Variants in BSN observed in about 807,000 individuals in gnomAD.
The protein encoded by BSN is protein bassoon.
BSN carries 57 observed loss-of-function variants against 264.8 expected under a neutral mutation model. The observed-to-expected ratio is 0.22, with a 90% confidence interval of 0.17 to 0.27. The LOEUF (loss-of-function observed/expected upper bound fraction) is 0.27. Among genes scored for constraint, BSN ranks in the 10% least tolerant of loss-of-function variants. BSN has a pLI of 1.00. For synonymous variants in BSN, 2,059 were observed against 2,137.3 expected (o/e 0.96, Z 1.01); for missense variants, 4,615 against 5,232.5 (o/e 0.88, Z 3.64).
At chr3:49,650,469 C>A (rs1056286846) in intron 3 of BSN, 143 bp from the exon 4 acceptor site, 2 of 763,002 alleles carry the variant, frequency 2.6e-6, no homozygotes, top group African/African-American at 1.8e-5. Context: ...GTAAATTGGT[C>A]AGTCTTTTTC....
At chr3:49,615,715 CA>C (rs1214532574) in intron 1 of BSN, among the ~76,000 whole-genome samples, 1 of 152,200 alleles carries the variant, frequency 6.6e-6, no homozygotes, top group African/African-American at 2.4e-5. Flanking sequence ...GTCAGCACTG[CA>C]AATTCTTTTT....
At chr3:49,555,800 A>G (rs2051664048) in intron 1 of BSN, among the ~76,000 whole-genome samples, 1 of 152,196 alleles carries the variant, frequency 6.6e-6, no homozygotes, top group Non-Finnish European at 1.5e-5. Context: ...GGTGGGAGGG[A>G]GGTGCTTCCA....
chr3:49,588,640 C>T (rs1324214753), intron 1 of BSN, among the ~76,000 whole-genome samples: 1 of 152,118 alleles, frequency 6.6e-6, no homozygotes, highest in Non-Finnish European at 1.5e-5. Flanking sequence ...ATTTTAATTC[C>T]TCTCAAAGTA....
intron 3 of BSN, 106 bp from the exon 4 acceptor site, chr3:49,650,506 G>T: frequency 8.9e-7 from 1 of 1,119,900 alleles, no homozygotes; most frequent in Non-Finnish European, 1.3e-6. Flanking sequence ...GTTATGCTTT[G>T]AAAGTTCTCT....
intron 1 of BSN, among the ~76,000 whole-genome samples, chr3:49,584,886 G>A (rs975231241): frequency 6.6e-6 from 1 of 152,092 alleles, no homozygotes; most frequent in African/African-American, 2.4e-5. Flanking sequence ...GAGAACATGC[G>A]ATGTTTGTCT....
chr3:49,656,434 C>G lies in BSN; in HGVS notation c.6878C>G (p.Ala2293Gly), dbSNP rs2052601864. The G allele has an allele frequency of 6.3e-7, 1 of 1,592,188 alleles. No individual in the cohort carries two copies. Among genetic ancestry groups the G allele is most frequent in the Non-Finnish European group, 8.6e-7 (1 of 1,167,998 alleles). The change falls in exon 5 of 12, where the codon GCT becomes GGT. Residue 2293 changes from alanine (A) to glycine (G), a missense_variant. Ala to Gly is a moderately conservative substitution (Grantham distance 60). Around this residue, in one of 3 missense-constraint regions of BSN, gnomAD observed 3,415 missense variants for 3,866.4 expected, o/e 0.88. Coordinates refer to ENST00000296452, the MANE Select transcript of BSN (RefSeq NM_003458.4). ...CCTGCTGCTGCCAAGGCCCCTGGGGCTGGGGGCCCTTCAAGGCCAGAGATG... is the reference window on the plus strand; with the variant it reads ...CCTGCTGCTGCCAAGGCCCCTGGGGGTGGGGGCCCTTCAAGGCCAGAGATG... ...GKPAAAKAPG[A>G]GGPSRPEMPV...
chr3:49,664,299 C>T, intron 8 of BSN, 124 bp from the exon 9 acceptor site: 2 of 1,270,460 alleles, frequency 1.6e-6, no homozygotes, highest in South Asian at 1.3e-5. Context: ...ATTTCCCTAG[C>T]CTCCTTCTCA....
chr3:49,621,996 T>G (rs1483354210), intron 1 of BSN, among the ~76,000 whole-genome samples: 1 of 152,110 alleles, frequency 6.6e-6, no homozygotes, highest in Non-Finnish European at 1.5e-5. Flanking sequence ...ACTTTTTTGT[T>G]GTTTAGGATG....
intron 1 of BSN, among the ~76,000 whole-genome samples, chr3:49,595,758 T>G (rs2052018214): frequency 6.6e-6 from 1 of 152,230 alleles, no homozygotes; most frequent in African/African-American, 2.4e-5. Flanking sequence ...ATTGTTTGTA[T>G]GTAGATGTGT....
intron 1 of BSN, among the ~76,000 whole-genome samples, chr3:49,616,451 T>C (rs1311855874): frequency 6.6e-6 from 1 of 152,230 alleles, no homozygotes. Context: ...AAAACCTCTT[T>C]TGAAGCTGTG....
Position 49,656,744 on chromosome 3 carries a change from G to A in BSN, c.7188G>A (p.Arg2396=), listed in dbSNP as rs770717833. The change falls in exon 5 of 12, where the codon CGG becomes CGA. Residue 2396 remains arginine (R), a synonymous_variant. Coordinates refer to ENST00000296452, the MANE Select transcript of BSN (RefSeq NM_003458.4). ...RQLRLQEELE[R]ERVELQRHRE... ...TTCGGCTGCAAGAGGAGCTAGAGCG[G>A]GAACGTGTGGAGCTGCAGAGGCACC... 7 of 1,576,936 alleles carry A rather than the reference G, an allele frequency of 4.4e-6. No individual in the cohort carries two copies. Among genetic ancestry groups the A allele is most frequent in the African/African-American group, 1.3e-5 (1 of 74,554 alleles).
rs373935874 is a variant in BSN, at chr3:49,660,929, C to A, written c.9084C>A (p.Pro3028=). The A allele has an allele frequency of 6.2e-7, 1 of 1,612,078 alleles. No individual in the cohort carries two copies. Among genetic ancestry groups the A allele is most frequent in the African/African-American group, 1.3e-5 (1 of 74,894 alleles). Residue 3028 remains proline, a synonymous_variant, in exon 6 of 12, where the codon CCC becomes CCA. Transcript: ENST00000296452. This position sits in a 1 kb window ranked among gnomAD's most constrained non-coding sequence, Gnocchi z 7.1. ...NQLRLQGCTT[P]AGQFVDFPAT... is the part of the protein sequence containing the mutation. ...TGCGGCTCCAGGGCTGCACCACTCC[C>A]GCTGGCCAGTTTGTGGACTTCCCTG...
chr3:49,652,705 A>C lies in BSN; in HGVS notation c.3149A>C (p.Glu1050Ala). ...SSEEEELREE[E>A]ELLREQEKMR... ...GAGGAGGAGGAGCTGCGGGAGGAAGAGGAGCTGCTTCGTGAGCAAGAGAAG... is the reference window on the plus strand; with the variant it reads ...GAGGAGGAGGAGCTGCGGGAGGAAGCGGAGCTGCTTCGTGAGCAAGAGAAG... Residue 1050 changes from glutamate to alanine, a missense_variant, in exon 5 of 12, where the codon GAG becomes GCG. Physicochemically the swap from Glu to Ala is moderately radical, Grantham distance 107 (BLOSUM62 -1). Coordinates refer to ENST00000296452, the MANE Select transcript of BSN (RefSeq NM_003458.4). 6.4e-7 allele frequency: 1 copy of C among 1,573,424 alleles called. No individual in the cohort carries two copies. The highest frequency in any genetic ancestry group is 2.2e-5 in the East Asian group (1 of 44,538).
intron 1 of BSN, among the ~76,000 whole-genome samples, chr3:49,601,155 G>C (rs1366437913): frequency 6.6e-6 from 1 of 152,196 alleles, no homozygotes; most frequent in Non-Finnish European, 1.5e-5. Context: ...CCCCTCTAGG[G>C]GAACAGACAG....
chr3:49,658,263 G>A (rs2052628158), intron 5 of BSN, 67 bp downstream of exon 5: 2 of 1,470,456 alleles, frequency 1.4e-6, no homozygotes, highest in African/African-American at 1.4e-5. Context: ...GCCCCCACAG[G>A]GAGGGGCTTC....
chr3:49,578,916 G>A (rs1420929717), intron 1 of BSN, among the ~76,000 whole-genome samples: 1 of 152,096 alleles, frequency 6.6e-6, no homozygotes, highest in African/African-American at 2.4e-5. Flanking sequence ...CTTTCACTTA[G>A]TGTGTTTTCC....
At position 49,653,189 on chromosome 3, in the gene BSN, C is replaced by T; in HGVS notation, c.3633C>T (p.Pro1211=). The change falls in exon 5 of 12, where the codon CCC becomes CCT. Residue 1211 remains proline (P), a synonymous_variant. Coordinates refer to ENST00000296452, the MANE Select transcript of BSN (RefSeq NM_003458.4). The surrounding 1 kb of genome is among the most constrained non-coding windows in gnomAD (Gnocchi z 6.3). ...QQGQAAGARG[P]HGGPSQPTGP... Reference sequence around the variant, plus strand: ...GCCAGGCAGCAGGGGCCCGGGGACCCCATGGCGGCCCCTCTCAGCCCACAG... The same window carrying T: ...GCCAGGCAGCAGGGGCCCGGGGACCTCATGGCGGCCCCTCTCAGCCCACAG... 6.2e-7 allele frequency: 1 copy of T among 1,611,034 alleles called. No homozygotes were observed. Among genetic ancestry groups the T allele is most frequent in the Admixed American group, 1.7e-5 (1 of 59,464 alleles).
intron 1 of BSN, among the ~76,000 whole-genome samples, chr3:49,566,525 C>A (rs752519657): frequency 6.6e-6 from 1 of 152,080 alleles, no homozygotes; most frequent in Non-Finnish European, 1.5e-5. Context: ...TGGCTCCCCC[C>A]TGTAATCTCA....
Position 49,661,184 on chromosome 3 carries a change from C to G in BSN, c.9339C>G (p.Arg3113=). 9.3e-6 allele frequency: 15 copies of G among 1,613,660 alleles called. No homozygotes were observed. Among genetic ancestry groups the G allele is most frequent in the Non-Finnish European group, 1.2e-5 (14 of 1,180,030 alleles). The stretch of plus-strand genomic sequence containing the variant: ...GCCTGCCAAACCAGCAGGCTTTCCG[C>G]CCCACAGGCCACTATGCAGGCCAAA... ...EPGLPNQQAF[R]PTGHYAGQTP... The change falls in exon 6 of 12, where the codon CGC becomes CGG. Residue 3113 remains arginine (R), a synonymous_variant. Coordinates refer to ENST00000296452, the MANE Select transcript of BSN (RefSeq NM_003458.4).
Sources: gnomAD v4.1 joint callset for allele counts (sites outside exome capture counted in the v4.1 genomes callset) on GRCh38, gnomAD v4.1.1 for gene constraint, gnomAD v4.1.1 regional missense constraint, Gnocchi (gnomAD v3.1) non-coding constraint, MANE v1.5 for transcripts, NCBI Gene and HGNC (gene_info 2026-07-23, HGNC 2026-07-21) for gene names.